The following CLVS2 variants were observed in gnomAD, a reference collection of about 807,000 sequenced individuals.
CLVS2 encodes the protein clavesin-2.
In CLVS2, 19 loss-of-function variants were observed where a neutral mutation model predicts 29.0. The observed-to-expected ratio is 0.66, with a 90% CI of 0.46 to 0.96. The LOEUF is 0.96. Among genes scored for constraint, CLVS2 ranks in the 40% least tolerant of loss-of-function variants. The pLI is 0.00. For synonymous variants in CLVS2, 161 were observed against 151.3 expected, an observed-to-expected ratio of 1.06 and a Z score of -0.47; for missense variants, 294 against 404.1, an observed-to-expected ratio of 0.73 and a Z score of 2.34.
chr6:123,048,883 G>A (rs1292372262), intron 4 of CLVS2, 151 bp downstream of exon 4: 13 of 592,932 alleles, frequency 2.2e-5, no homozygotes, highest in Non-Finnish European at 3.5e-5. Context: ...TCCAGATTTT[G>A]TGGTTGTGAA....
At chr6:123,051,370 G>A (rs528784983) in intron 4 of CLVS2, among the ~76,000 whole-genome samples, 111 of 152,220 alleles carry the variant, frequency 7.3e-4, no homozygotes, top group African/African-American at 2.5e-3. Context: ...AGTCTTTCAC[G>A]CAGAGCCAAA....
At chr6:123,026,817 T>C (rs114780805) in intron 3 of CLVS2, among the ~76,000 whole-genome samples, 2,002 of 152,180 alleles carry the variant, frequency 0.013, 43 homozygotes, top group African/African-American at 0.046. Flanking sequence ...TATGAAAATC[T>C]AGAATAAGAT....
In CLVS2 at chr6:123,056,035, G is replaced by A. The variant is rs758956163; in HGVS notation, c.896+9G>A. ...CCAAAGTCCATGAAGAGGTATGCTGGAGGTAGACTGGGGAGTGGGCTGGGC... is the reference window on the plus strand; with the variant it reads ...CCAAAGTCCATGAAGAGGTATGCTGAAGGTAGACTGGGGAGTGGGCTGGGC... On this transcript the variant is annotated intron_variant, in intron 5 of 5. Transcript: ENST00000275162. The A allele has an allele frequency of 2.6e-5, 42 of 1,596,988 alleles. 3 individuals carry two copies. In the South Asian group the frequency reaches 4.7e-4, roughly 18 times the overall value.
rs1772900204 is a variant in CLVS2, at chr6:123,068,906, C to A, written c.*5145C>A. 6.6e-6 allele frequency: 1 copy of A among 151,380 alleles called. No individual in the cohort carries two copies. The highest frequency in any genetic ancestry group is 2.4e-5 in the African/African-American group (1 of 41,300). 9.4% of individuals were successfully genotyped at this position (151,380 alleles called of 1,614,324 possible). A position where few individuals can be genotyped will look rare whatever the true frequency, so the allele number is the denominator to read the frequency against. On this transcript the variant is annotated 3_prime_UTR_variant, in exon 6 of 6. Transcript: ENST00000275162. ...ATTTTAAATGTATACATTTATTTTG[C>A]ACATTGTTAATGTTAAATTTGGTAG...
Position 123,002,859 on chromosome 6 carries a change from T to A in CLVS2, c.389+4693T>A, listed in dbSNP as rs188650373. On this transcript the variant is annotated intron_variant, in intron 2 of 5. Transcript: ENST00000275162. ...CCTTTTCGTAAAAATTCTGGAGGCA[T>A]GGCTTTGCCATCTTTTGGGTGGATA... is the stretch of plus-strand genomic sequence containing the variant. Among the ~76,000 whole-genome samples the A allele has an allele frequency of 3.6e-4, 55 of 152,336 alleles. 1 individual carries two copies. Among genetic ancestry groups the A allele is most frequent in the Admixed American group, 3.4e-3 (52 of 15,300 alleles).
At chr6:123,014,422 A>T (rs1454473485) in intron 3 of CLVS2, among the ~76,000 whole-genome samples, 1 of 152,080 alleles carries the variant, frequency 6.6e-6, no homozygotes, top group Non-Finnish European at 1.5e-5. Context: ...TATTATATAT[A>T]TTCATACATG....
intron 2 of CLVS2, among the ~76,000 whole-genome samples, chr6:123,002,708 TAAG>T (rs1361349292): frequency 6.6e-6 from 1 of 151,918 alleles, no homozygotes; most frequent in Non-Finnish European, 1.5e-5. Flanking sequence ...AGCAAAAAAA[TAAG>T]AAGTTTAATT....
intron 4 of CLVS2, among the ~76,000 whole-genome samples, chr6:123,052,441 G>A (rs1208676418): frequency 6.6e-6 from 1 of 152,176 alleles, no homozygotes; most frequent in African/African-American, 2.4e-5. Flanking sequence ...AGTCAATGGG[G>A]AATTGTGAGG....
intron 3 of CLVS2, among the ~76,000 whole-genome samples, chr6:123,016,760 A>G (rs1476891580): frequency 6.6e-6 from 1 of 152,126 alleles, no homozygotes; most frequent in African/African-American, 2.4e-5. Context: ...GACAGAATAA[A>G]GAATATGTAA....
chr6:123,045,142 GAC>G (rs112529316), intron 3 of CLVS2, among the ~76,000 whole-genome samples: 3,404 of 146,254 alleles, frequency 0.023, 41 homozygotes, highest in Middle Eastern at 0.053. Context: ...CCTCTTTTGG[GAC>G]ACACACACAC....
At chr6:123,062,481 CT>C (rs1275245501) in intron 5 of CLVS2, among the ~76,000 whole-genome samples, 1 of 151,524 alleles carries the variant, frequency 6.6e-6, no homozygotes, top group Non-Finnish European at 1.5e-5. Context: ...TTTAGCAAGT[CT>C]TTTTTTTCCA....
At chr6:123,022,643 A>G (rs1197662073) in intron 3 of CLVS2, among the ~76,000 whole-genome samples, 3 of 152,084 alleles carry the variant, frequency 2.0e-5, no homozygotes, top group Non-Finnish European at 2.9e-5. Flanking sequence ...TTTATTTCCA[A>G]AATCAAAATT....
In CLVS2 at chr6:123,030,728, T is replaced by C. The variant is rs547253653; in HGVS notation, c.565-17894T>C. On this transcript the variant is annotated intron_variant, in intron 3 of 5. Coordinates refer to ENST00000275162, the MANE Select transcript of CLVS2 (RefSeq NM_001010852.4). Reference sequence around the variant, plus strand: ...TTCTTTATGTTAATATAGGAGTAGCTCAGCCAAACTAAATCGAGTTAATCT... The same window carrying C: ...TTCTTTATGTTAATATAGGAGTAGCCCAGCCAAACTAAATCGAGTTAATCT... Among the ~76,000 whole-genome samples, 199 of 151,766 alleles carry C rather than the reference T, an allele frequency of 1.3e-3. 3 individuals carry two copies. The highest frequency in any genetic ancestry group is 4.6e-3 in the African/African-American group (189 of 41,440).
chr6:123,014,754 A>G (rs911702321), intron 3 of CLVS2, among the ~76,000 whole-genome samples: 6 of 152,080 alleles, frequency 3.9e-5, no homozygotes, highest in African/African-American at 1.2e-4. Flanking sequence ...TTAAAGTTGA[A>G]TGACTTTGGG....
At chr6:122,998,302 T>G in intron 2 of CLVS2, 136 bp downstream of exon 2, 2 of 1,152,328 alleles carry the variant, frequency 1.7e-6, no homozygotes, top group Admixed American at 5.5e-5. Flanking sequence ...AACCAGGAGA[T>G]GAGTTTTTGG....
At chr6:123,015,338 T>G (rs972866960) in intron 3 of CLVS2, among the ~76,000 whole-genome samples, 2 of 152,072 alleles carry the variant, frequency 1.3e-5, no homozygotes. Context: ...ATCCTTTGGA[T>G]AAATGAACTG....
At chr6:123,044,428 C>T (rs1393781236) in intron 3 of CLVS2, among the ~76,000 whole-genome samples, 2 of 151,804 alleles carry the variant, frequency 1.3e-5, no homozygotes, top group East Asian at 3.9e-4. Context: ...ACCCAAGCCA[C>T]AGTAGGATCT....
chr6:123,058,490 G>A (rs1772727193), intron 5 of CLVS2, among the ~76,000 whole-genome samples: 1 of 152,026 alleles, frequency 6.6e-6, no homozygotes, highest in Non-Finnish European at 1.5e-5. Flanking sequence ...CACATCACCT[G>A]CACTCTGCTC....
chr6:123,027,689 A>ACCT (rs1775024194), intron 3 of CLVS2, among the ~76,000 whole-genome samples: 1 of 152,208 alleles, frequency 6.6e-6, no homozygotes, highest in Non-Finnish European at 1.5e-5. Context: ...GGGCTCTGCA[A>ACCT]TACTATGTGT....
Sources: allele counts gnomAD v4.1 joint callset (sites outside exome capture counted in the v4.1 genomes callset), GRCh38; gene constraint gnomAD v4.1.1; transcripts MANE v1.5; gene names NCBI Gene and HGNC (gene_info 2026-07-23, HGNC 2026-07-21).